Variants in ITCH observed in about 807,000 individuals in gnomAD.
ITCH encodes the protein itchy E3 ubiquitin protein ligase, also known as E3 ubiquitin-protein ligase Itchy homolog.
In ITCH, 28 loss-of-function variants were observed where a neutral mutation model predicts 126.8. That is an observed-to-expected ratio of 0.22 (90% CI 0.16 to 0.30). The LOEUF is 0.30. ITCH is among the 10% of genes least tolerant of loss of function. The pLI, the probability that ITCH is intolerant of heterozygous loss-of-function variation, is 1.00. For synonymous variants in ITCH, 342 were observed against 340.0 expected (o/e 1.01, Z -0.06); for missense variants, 631 against 1,032.4 (o/e 0.61, Z 5.33).
intron 2 of ITCH, among the ~76,000 whole-genome samples, chr20:34,392,824 G>T (rs927505972): frequency 6.6e-6 from 1 of 152,106 alleles, no homozygotes; most frequent in African/African-American, 2.4e-5. Context: ...GTGGTGGTGT[G>T]CACCAGTGGT....
chr20:34,402,346 A>C lies in ITCH; in HGVS notation c.71-6305A>C. 4 of 931,656 alleles carry C rather than the reference A, an allele frequency of 4.3e-6. No homozygotes were observed. The Admixed American group carries it at 5.1e-5, about 12-fold the overall frequency. 57.7% of individuals were successfully genotyped at this position (931,656 alleles called of 1,614,324 possible). ...CTGTTTGTTCTTGGCAAGTTTCTCAATAGTAGAGGGGTCATCTTTGAGATC... is the reference window on the plus strand; with the variant it reads ...CTGTTTGTTCTTGGCAAGTTTCTCACTAGTAGAGGGGTCATCTTTGAGATC... On this transcript the variant is annotated intron_variant, in intron 3 of 24. Transcript: ENST00000374864.
At chr20:34,492,384 C>T in intron 22 of ITCH, 117 bp from the exon 23 acceptor site, 3 of 667,212 alleles carry the variant, frequency 4.5e-6, no homozygotes, top group Non-Finnish European at 7.7e-6. Context: ...GCCACAGAGC[C>T]TGGGACACCT....
chr20:34,505,706 C>T (rs538799484), intron 24 of ITCH, among the ~76,000 whole-genome samples: 28 of 152,044 alleles, frequency 1.8e-4, no homozygotes, highest in Non-Finnish European at 4.1e-4. Flanking sequence ...GCAGCATGCA[C>T]CACCACGCAT....
chr20:34,434,210 A>T (rs1477934696), intron 7 of ITCH, among the ~76,000 whole-genome samples: 1 of 151,738 alleles, frequency 6.6e-6, no homozygotes, highest in Non-Finnish European at 1.5e-5. Context: ...CTGGGAGGTG[A>T]GGCGGGAGGA....
chr20:34,384,211 T>C (rs2038181629), intron 2 of ITCH: 1 of 149,324 alleles, frequency 6.7e-6, no homozygotes. Flanking sequence ...CAAAGAAATC[T>C]GTAACTGGTT....
At chr20:34,395,583 C>T (rs960998303) in intron 3 of ITCH, among the ~76,000 whole-genome samples, 1 of 152,168 alleles carries the variant, frequency 6.6e-6, no homozygotes, top group African/African-American at 2.4e-5. Flanking sequence ...CAAAAAGAAG[C>T]CCTGTACTCA....
At chr20:34,364,698 G>A (rs2037341926) in intron 1 of ITCH, among the ~76,000 whole-genome samples, 1 of 124,190 alleles carries the variant, frequency 8.1e-6, no homozygotes, top group Non-Finnish European at 1.6e-5. Flanking sequence ...GACCAACATG[G>A]TGAAACCCCG....
chr20:34,372,006 T>TA (rs976011622), intron 2 of ITCH, among the ~76,000 whole-genome samples: 3 of 152,094 alleles, frequency 2.0e-5, no homozygotes, highest in African/African-American at 7.2e-5. Context: ...ATATCAGAAA[T>TA]ATCTTATAAT....
chr20:34,511,027 C>A lies in ITCH; in HGVS notation c.*3233C>A, dbSNP rs909846826. 17 of 152,220 alleles carry A rather than the reference C, an allele frequency of 1.1e-4. No homozygotes were observed. Among genetic ancestry groups the A allele is most frequent in the African/African-American group, 4.1e-4 (17 of 41,520 alleles). The allele number at this position is 152,220 out of a possible 1,614,324, so 9.4% of individuals were successfully genotyped here. On this transcript the variant is annotated 3_prime_UTR_variant, in exon 25 of 25. Transcript: ENST00000374864. The stretch of plus-strand genomic sequence containing the variant: ...GGTTGACTCACGGAATTAAATTTTT[C>A]CTCTATTTTTATATCCTTTCCTGTT...
chr20:34,462,818 G>A (rs1309432574), intron 14 of ITCH, among the ~76,000 whole-genome samples: 1 of 152,076 alleles, frequency 6.6e-6, no homozygotes, highest in Non-Finnish European at 1.5e-5. Context: ...CTATGAATTT[G>A]ACTAGTCGAA....
intron 23 of ITCH, among the ~76,000 whole-genome samples, chr20:34,497,183 G>C (rs1268248092): frequency 6.6e-6 from 1 of 152,020 alleles, no homozygotes; most frequent in Admixed American, 6.6e-5. Flanking sequence ...TTTTAATAGA[G>C]ATAGGGTTTC....
chr20:34,477,935 A>G, intron 17 of ITCH, 75 bp downstream of exon 17: 2 of 1,584,090 alleles, frequency 1.3e-6, no homozygotes, highest in Non-Finnish European at 1.7e-6. Context: ...TGCAAGTATT[A>G]TTTTCTCAAT....
chr20:34,386,095 G>GTTTTTTTTTTTTGTT (rs58468663), intron 2 of ITCH, among the ~76,000 whole-genome samples: 1 of 144,716 alleles, frequency 6.9e-6, no homozygotes, highest in African/African-American at 2.5e-5. Context: ...CGGCTCCTTT[G>GTTTTTTTTTTTTGTT]TTTTTTTTTT....
chr20:34,406,352 C>T (rs1401063206), intron 3 of ITCH, among the ~76,000 whole-genome samples: 1 of 152,014 alleles, frequency 6.6e-6, no homozygotes, highest in African/African-American at 2.4e-5. Context: ...CTAGCCTTCT[C>T]TTGCAACTCT....
intron 22 of ITCH, among the ~76,000 whole-genome samples, chr20:34,492,062 C>T (rs1199710999): frequency 4.1e-5 from 6 of 146,312 alleles, no homozygotes; most frequent in South Asian, 2.2e-4. Flanking sequence ...CTTAAAACTG[C>T]GTGAGTACGG....
chr20:34,462,863 G>A (rs1365102904), intron 14 of ITCH, among the ~76,000 whole-genome samples: 1 of 152,068 alleles, frequency 6.6e-6, no homozygotes, highest in African/African-American at 2.4e-5. Flanking sequence ...CAATATTTAT[G>A]CTTATGTTTC....
chr20:34,484,103 A>T (rs1988950030), intron 20 of ITCH, among the ~76,000 whole-genome samples: 1 of 152,186 alleles, frequency 6.6e-6, no homozygotes, highest in Non-Finnish European at 1.5e-5. Flanking sequence ...CATAGGAATT[A>T]TGGGAGCTAC....
intron 2 of ITCH, among the ~76,000 whole-genome samples, chr20:34,385,222 G>GTGGT (rs2038237540): frequency 7.0e-5 from 6 of 85,140 alleles, no homozygotes; most frequent in Admixed American, 3.1e-4. Context: ...TGTGTGTGTG[G>GTGGT]TTTTTTTTTT....
At chr20:34,436,758 G>T (rs961124302) in intron 7 of ITCH, among the ~76,000 whole-genome samples, 3 of 152,216 alleles carry the variant, frequency 2.0e-5, no homozygotes, top group African/African-American at 7.2e-5. Flanking sequence ...GTGCTCGTCC[G>T]TTTGGTTTAA....
Sources: gnomAD v4.1 joint callset for allele counts (sites outside exome capture counted in the v4.1 genomes callset) on GRCh38, gnomAD v4.1.1 for gene constraint, MANE v1.5 for transcripts, NCBI Gene and HGNC (gene_info 2026-07-23, HGNC 2026-07-21) for gene names.